Variants in ZSCAN5A observed in about 807,000 individuals in gnomAD.
The protein encoded by ZSCAN5A is zinc finger and SCAN domain containing 5A.
A neutral mutation model predicts 23.7 loss-of-function variants in ZSCAN5A; 12 were observed. The observed-to-expected ratio is 0.51, with a 90% CI of 0.32 to 0.82. The LOEUF is 0.82. ZSCAN5A is among the 40% of genes least tolerant of loss of function. The pLI, the probability that ZSCAN5A is intolerant of heterozygous loss-of-function variation, is 0.03. For synonymous variants in ZSCAN5A, 257 were observed against 239.9 expected, an observed-to-expected ratio of 1.07 and a Z score of -0.66; for missense variants, 597 against 617.9, an observed-to-expected ratio of 0.97 and a Z score of 0.36.
At chr19:56,233,256 T>C (rs958218715) in intron 2 of ZSCAN5A, among the ~76,000 whole-genome samples, 1 of 152,096 alleles carries the variant, frequency 6.6e-6, no homozygotes, top group Non-Finnish European at 1.5e-5. Flanking sequence ...AGATGAGACT[T>C]CTGCTTGTTT....
At chr19:56,346,045 T>C (rs2041629750) in intron 2 of ZSCAN5A, among the ~76,000 whole-genome samples, 1 of 151,582 alleles carries the variant, frequency 6.6e-6, no homozygotes, top group Non-Finnish European at 1.5e-5. Context: ...ATAAACTATG[T>C]CACGTTCCTC....
At chr19:56,329,704 T>G (rs1395582952) in intron 2 of ZSCAN5A, among the ~76,000 whole-genome samples, 1 of 152,152 alleles carries the variant, frequency 6.6e-6, no homozygotes, top group Admixed American at 6.6e-5. Context: ...AAAAAAAGTT[T>G]TTCATGATAA....
intron 2 of ZSCAN5A, chr19:56,354,649 C>T (rs1291919957): frequency 2.0e-5 from 3 of 152,148 alleles, no homozygotes; most frequent in East Asian, 1.9e-4. Context: ...TCCCTGGGAT[C>T]GTTCACCATG....
At chr19:56,346,748 GC>G (rs1280432728) in intron 2 of ZSCAN5A, among the ~76,000 whole-genome samples, 1 of 150,558 alleles carries the variant, frequency 6.6e-6, no homozygotes, top group African/African-American at 2.5e-5. Context: ...TCGCTCTGTC[GC>G]CCAGGCTGGA....
At chr19:56,226,284 G>A (rs11669452) in intron 2 of ZSCAN5A, among the ~76,000 whole-genome samples, 100,156 of 147,392 alleles carry the variant, frequency 0.68, 33,722 homozygotes, top group Middle Eastern at 0.74. Context: ...CGGCAGAGGC[G>A]GGAGACAACC....
intron 2 of ZSCAN5A, chr19:56,245,414 T>C: frequency 1.4e-6 from 1 of 692,764 alleles, no homozygotes; most frequent in Non-Finnish European, 2.6e-6. Flanking sequence ...CCCTGCACTG[T>C]CCAGAAGGCA....
intron 2 of ZSCAN5A, chr19:56,228,263 C>A: frequency 3.0e-6 from 3 of 985,380 alleles, no homozygotes; most frequent in South Asian, 4.7e-5. Flanking sequence ...TCCTTCCCGG[C>A]TTCTGCCTCC....
At chr19:56,284,957 CTG>C (rs2038994295) in intron 2 of ZSCAN5A, 73 of 970,034 alleles carry the variant, frequency 7.5e-5, no homozygotes, top group Non-Finnish European at 8.6e-5. Flanking sequence ...ATATTTCTTT[CTG>C]CTGCATTTGC....
chr19:56,228,483 C>T (rs2034179684), intron 2 of ZSCAN5A: 1 of 970,316 alleles, frequency 1.0e-6, no homozygotes, highest in South Asian at 4.8e-5. Context: ...AACATGCCTA[C>T]TGTGCAAATA....
At chr19:56,311,573 T>C (rs531340479) in intron 2 of ZSCAN5A, among the ~76,000 whole-genome samples, 1 of 152,224 alleles carries the variant, frequency 6.6e-6, no homozygotes, top group Non-Finnish European at 1.5e-5. Context: ...CATAGACGGA[T>C]GGAAAATTCT....
chr19:56,335,671 T>G (rs2147441913), intron 2 of ZSCAN5A, among the ~76,000 whole-genome samples: 1 of 152,386 alleles, frequency 6.6e-6, no homozygotes, highest in South Asian at 2.1e-4. Context: ...TGCAGTTTCT[T>G]CCTAGCCTTG....
intron 2 of ZSCAN5A, among the ~76,000 whole-genome samples, chr19:56,227,834 GCTAGAGC>G (rs2034096585): frequency 6.6e-6 from 1 of 152,058 alleles, no homozygotes; most frequent in African/African-American, 2.4e-5. Flanking sequence ...ATGGGAACAT[GCTAGAGC>G]CCAGGAGTTC....
At chr19:56,302,925 A>C in intron 2 of ZSCAN5A, 1 of 398,424 alleles carries the variant, frequency 2.5e-6, no homozygotes, top group Non-Finnish European at 4.4e-6. Flanking sequence ...TAATTCTGTA[A>C]GGGAGGCAGA....
At position 56,322,282 on chromosome 19, in the gene ZSCAN5A, T is replaced by C. The variant is rs2041384500; in HGVS notation, c.-357-6014A>G. On this transcript the variant is annotated intron_variant, in intron 2 of 6. Coordinates refer to the ZSCAN5A transcript ENST00000587340. ...CAAGAGCACCTCCTTCAACAAGAATTGTCCCTTTCACTGCCTTTTGAAAGG... is the reference window on the plus strand; with the variant it reads ...CAAGAGCACCTCCTTCAACAAGAATCGTCCCTTTCACTGCCTTTTGAAAGG... The C allele has an allele frequency of 1.4e-5, 16 of 1,132,584 alleles. 1 individual carries two copies. The highest frequency in any genetic ancestry group is 3.4e-5 in the Admixed American group (2 of 59,046). 70.2% of individuals were successfully genotyped at this position (1,132,584 alleles called of 1,614,324 possible). A position where few individuals can be genotyped will look rare whatever the true frequency, so the allele number is the denominator to read the frequency against.
At chr19:56,365,096 G>A (rs750193833) in intron 1 of ZSCAN5A, 2 of 152,184 alleles carry the variant, frequency 1.3e-5, no homozygotes, top group Non-Finnish European at 2.9e-5. Context: ...AAACAAGAAC[G>A]CTTTGTTCTT....
Position 56,223,737 on chromosome 19 carries a change from A to C in ZSCAN5A, c.482T>G (p.Val161Gly), listed in dbSNP as rs746106028. Residue 161 changes from valine to glycine, a missense_variant, in exon 4 of 6, where the codon GTG becomes GGG. This residue lies in a region of ZSCAN5A where 406 missense variants were observed against 353.2 expected (regional missense o/e 1.15). Coordinates refer to ENST00000683990, the MANE Select transcript of ZSCAN5A (RefSeq NM_001322064.3). ...PSSVRDDLKD[V>G]SSQRASSVNQ... Reference sequence around the variant, plus strand: ...CACCGAGGAGGCCCGTTGGCTGGACACGTCTTTCAGATCATCTCTGACACT... The same window carrying C: ...CACCGAGGAGGCCCGTTGGCTGGACCCGTCTTTCAGATCATCTCTGACACT... 8 of 1,613,832 alleles carry C rather than the reference A, an allele frequency of 5.0e-6. No individual in the cohort carries two copies. The highest frequency in any genetic ancestry group is 2.7e-5 in the African/African-American group (2 of 74,948).
intron 2 of ZSCAN5A, among the ~76,000 whole-genome samples, chr19:56,267,222 T>C (rs914228963): frequency 1.3e-5 from 2 of 152,174 alleles, no homozygotes; most frequent in African/African-American, 4.8e-5. Flanking sequence ...CATGAAATTA[T>C]ATATGTGTTT....
intron 2 of ZSCAN5A, among the ~76,000 whole-genome samples, chr19:56,303,451 G>C (rs1468142580): frequency 1.4e-5 from 2 of 146,406 alleles, no homozygotes; most frequent in African/African-American, 5.0e-5. Context: ...CTGGGTGACA[G>C]AGTGAGACTC....
At chr19:56,268,626 TA>T (rs1173278696) in intron 2 of ZSCAN5A, among the ~76,000 whole-genome samples, 1 of 152,152 alleles carries the variant, frequency 6.6e-6, no homozygotes, top group Non-Finnish European at 1.5e-5. Flanking sequence ...AAAACTTTTT[TA>T]ATTGAGGTAA....
Sources: allele counts gnomAD v4.1 joint callset (sites outside exome capture counted in the v4.1 genomes callset), GRCh38; gene constraint gnomAD v4.1.1; regional missense constraint gnomAD v4.1.1; transcripts MANE v1.5; gene names NCBI Gene and HGNC (gene_info 2026-07-23, HGNC 2026-07-21).